Variants in PLCL1 observed in about 807,000 individuals in gnomAD.
PLCL1 encodes phospholipase C like 1 (inactive), also known as inactive phospholipase C-like protein 1.
Under a neutral mutation model 84.4 loss-of-function variants are expected in PLCL1, and 41 were observed. The observed-to-expected ratio is 0.49, with a 90% confidence interval of 0.38 to 0.63. The LOEUF (loss-of-function observed/expected upper bound fraction) is 0.63. Ranked by LOEUF, PLCL1 falls within the 30% of genes least tolerant of loss-of-function variation. The probability of loss-of-function intolerance (pLI) is 0.00; values close to 1 mark genes in which losing one functional copy is unlikely to be tolerated. For missense variants in PLCL1, 1,206 were observed against 1,367.8 expected (o/e 0.88, Z 1.87); for synonymous variants, 490 against 488.3 (o/e 1.00, Z -0.05).
intron 5 of PLCL1, among the ~76,000 whole-genome samples, chr2:198,130,997 A>C (rs1288128283): frequency 6.6e-6 from 1 of 151,984 alleles, no homozygotes; most frequent in Non-Finnish European, 1.5e-5. Context: ...TCTGAAACTC[A>C]TTGTGGCCTG....
At chr2:197,956,981 A>C (rs1043742850) in intron 1 of PLCL1, among the ~76,000 whole-genome samples, 11 of 152,000 alleles carry the variant, frequency 7.2e-5, no homozygotes, top group Non-Finnish European at 1.3e-4. Flanking sequence ...TGTTTTTGTC[A>C]TGAAGTCTTT....
At chr2:197,998,173 C>CTGTGTGTGTGTGTG (rs1332006979) in intron 1 of PLCL1, among the ~76,000 whole-genome samples, 1 of 77,342 alleles carries the variant, frequency 1.3e-5, no homozygotes, top group Admixed American at 1.2e-4. Context: ...AAGAATGGAG[C>CTGTGTGTGTGTGTG]TATGTGTGTG....
At chr2:197,885,591 C>T (rs944020533) in intron 1 of PLCL1, among the ~76,000 whole-genome samples, 2 of 152,168 alleles carry the variant, frequency 1.3e-5, no homozygotes, top group Non-Finnish European at 1.5e-5. Flanking sequence ...TCTGGACATC[C>T]CATGCAAGGT....
chr2:197,889,137 G>GT (rs1181540884), intron 1 of PLCL1, among the ~76,000 whole-genome samples: 1 of 152,158 alleles, frequency 6.6e-6, no homozygotes, highest in Non-Finnish European at 1.5e-5. Context: ...CCCCGGGCTT[G>GT]TTTTTACAGA....
chr2:197,843,792 A>G (rs186242088), intron 1 of PLCL1, among the ~76,000 whole-genome samples: 1 of 152,332 alleles, frequency 6.6e-6, no homozygotes, highest in Non-Finnish European at 1.5e-5. Context: ...TGAAGAATAT[A>G]GAAACTTACT....
chr2:198,071,735 T>C (rs1464601385), intron 1 of PLCL1, among the ~76,000 whole-genome samples: 6 of 151,920 alleles, frequency 3.9e-5, no homozygotes, highest in Admixed American at 3.9e-4. Context: ...TAAGTTTCTA[T>C]ATGGTCAAAT....
chr2:197,833,312 T>A (rs865839134), intron 1 of PLCL1, among the ~76,000 whole-genome samples: 2 of 152,184 alleles, frequency 1.3e-5, no homozygotes, highest in East Asian at 3.9e-4. Context: ...CTATTCAACA[T>A]AGGAAGTTCT....
At chr2:197,844,706 T>C (rs1221412043) in intron 1 of PLCL1, among the ~76,000 whole-genome samples, 1 of 152,090 alleles carries the variant, frequency 6.6e-6, no homozygotes, top group Non-Finnish European at 1.5e-5. Context: ...TTGAATACAG[T>C]GAATCAATAT....
chr2:198,085,059 A>G lies in PLCL1; in HGVS notation c.1542A>G (p.Lys514=). 1 of 1,613,986 alleles carries G rather than the reference A, an allele frequency of 6.2e-7. No individual in the cohort carries two copies. Among genetic ancestry groups the G allele is most frequent in the Non-Finnish European group, 8.5e-7 (1 of 1,179,970 alleles). The part of the protein sequence containing the change: ...AQQMKKVFGN[K]LYTEAPLPSE... ...AGATGAAAAAGGTCTTTGGCAATAA[A>G]CTCTATACTGAAGCACCTTTGCCCT... is the stretch of plus-strand genomic sequence containing the variant. Residue 514 remains lysine (K), a synonymous_variant, in exon 2 of 6, where the codon AAA becomes AAG. Coordinates refer to ENST00000428675, the MANE Select transcript of PLCL1 (RefSeq NM_006226.4). This position sits in a 1 kb window ranked among gnomAD's most constrained non-coding sequence, Gnocchi z 5.3.
intron 1 of PLCL1, among the ~76,000 whole-genome samples, chr2:198,052,416 T>A (rs747214602): frequency 2.0e-4 from 30 of 152,208 alleles, no homozygotes; most frequent in Non-Finnish European, 4.0e-4. Context: ...TTTATGCATT[T>A]TTAAAAAGCA....
intron 5 of PLCL1, among the ~76,000 whole-genome samples, chr2:198,135,341 T>G (rs1411858915): frequency 1.3e-5 from 2 of 152,196 alleles, no homozygotes; most frequent in Admixed American, 6.5e-5. Flanking sequence ...ATTAATTACC[T>G]TCATCACCTT....
rs140650973 is a variant in PLCL1 at position 198,108,630 on chromosome 2, ATGAC to A, written c.3105+4696_3105+4699del. On this transcript the variant is annotated intron_variant, in intron 5 of 5. Coordinates refer to ENST00000428675, the MANE Select transcript of PLCL1 (RefSeq NM_006226.4). ...GGAGAAAAAAATTGCAGAAAGAAAAATGACTAACGACAATATAATGAATAAGAAT... is the reference window on the plus strand; with the variant it reads ...GGAGAAAAAAATTGCAGAAAGAAAAATAACGACAATATAATGAATAAGAAT... Among the ~76,000 whole-genome samples, 1,131 of 152,022 alleles carry A rather than the reference ATGAC, an allele frequency of 7.4e-3. 16 individuals are homozygous for A. Among genetic ancestry groups the A allele is most frequent in the African/African-American group, 0.026 (1,088 of 41,516 alleles).
chr2:197,980,962 C>T (rs1276580716), intron 1 of PLCL1, among the ~76,000 whole-genome samples: 3 of 152,140 alleles, frequency 2.0e-5, no homozygotes, highest in Non-Finnish European at 4.4e-5. Context: ...GTTTCATGCA[C>T]AGTTCAAGTA....
chr2:198,060,930 AT>A (rs1271859492), intron 1 of PLCL1, among the ~76,000 whole-genome samples: 1 of 152,188 alleles, frequency 6.6e-6, no homozygotes, highest in East Asian at 1.9e-4. Context: ...TGTGTTAAAT[AT>A]TGTGGTTATT....
chr2:197,833,598 T>C (rs563803801), intron 1 of PLCL1, among the ~76,000 whole-genome samples: 1 of 151,796 alleles, frequency 6.6e-6, no homozygotes, highest in Non-Finnish European at 1.5e-5. Flanking sequence ...AAGAATAAAA[T>C]ACACAGGAAT....
chr2:197,860,943 C>T (rs768940545), intron 1 of PLCL1, among the ~76,000 whole-genome samples: 5 of 152,064 alleles, frequency 3.3e-5, no homozygotes, highest in African/African-American at 9.7e-5. Context: ...AATCTTTGCC[C>T]GTTCCTATGT....
chr2:197,809,057 G>A (rs910918604), intron 1 of PLCL1, among the ~76,000 whole-genome samples: 1 of 152,016 alleles, frequency 6.6e-6, no homozygotes, highest in African/African-American at 2.4e-5. Context: ...ATCTTGGGCT[G>A]GTATGGTGGA....
chr2:197,922,762 T>G (rs1688733129), intron 1 of PLCL1, among the ~76,000 whole-genome samples: 1 of 106,688 alleles, frequency 9.4e-6, no homozygotes, highest in Non-Finnish European at 2.0e-5. Context: ...ACGGGGTGGC[T>G]GGCCGGGCAG....
At chr2:197,810,942 C>G (rs1188481665) in intron 1 of PLCL1, among the ~76,000 whole-genome samples, 1 of 152,124 alleles carries the variant, frequency 6.6e-6, no homozygotes, top group Admixed American at 6.5e-5. Context: ...GTAAATGAGC[C>G]ATTGGTTATA....
Sources: gnomAD v4.1 joint callset for allele counts (sites outside exome capture counted in the v4.1 genomes callset) on GRCh38, gnomAD v4.1.1 for gene constraint, Gnocchi (gnomAD v3.1) non-coding constraint, MANE v1.5 for transcripts, NCBI Gene and HGNC (gene_info 2026-07-23, HGNC 2026-07-21) for gene names.